The following DDX10 variants were observed in gnomAD, a reference collection of about 807,000 sequenced individuals.
DDX10 encodes DEAD-box helicase 10.
DDX10 carries 74 observed loss-of-function variants against 104.3 expected under a neutral mutation model. The ratio of observed to expected loss-of-function variants is 0.71; its 90% CI spans 0.59 to 0.86. The LOEUF (loss-of-function observed/expected upper bound fraction) is 0.86, where lower values mean the gene tolerates loss of function less well. Ranked by LOEUF, DDX10 falls within the 40% of genes least tolerant of loss-of-function variation. The pLI, the probability that DDX10 is intolerant of heterozygous loss-of-function variation, is 0.00. For missense variants in DDX10, 952 were observed against 1,040.0 expected (o/e 0.92, Z 1.16); for synonymous variants, 351 against 353.4 (o/e 0.99, Z 0.08).
chr11:108,855,442 A>C (rs1264023923), intron 16 of DDX10, among the ~76,000 whole-genome samples: 3 of 152,108 alleles, frequency 2.0e-5, no homozygotes, highest in Non-Finnish European at 4.4e-5. Flanking sequence ...TGCTTTTGAA[A>C]AGAAAGTGTG....
chr11:108,836,356 T>G (rs1175022543), intron 13 of DDX10, among the ~76,000 whole-genome samples: 3 of 152,256 alleles, frequency 2.0e-5, no homozygotes, highest in African/African-American at 7.2e-5. Flanking sequence ...TTCTTGTAGT[T>G]AAATCATAAT....
chr11:108,675,558 G>A, intron 2 of DDX10, 38 bp from the exon 3 acceptor site: 1 of 1,604,906 alleles, frequency 6.2e-7, no homozygotes, highest in Non-Finnish European at 8.5e-7. Context: ...ATCCTACAGG[G>A]ATCTTCTAAA....
At chr11:108,940,157 CTT>C in intron 17 of DDX10, 87 bp from the exon 18 acceptor site, 3 of 1,353,540 alleles carry the variant, frequency 2.2e-6, no homozygotes, top group Non-Finnish European at 3.0e-6. Flanking sequence ...AATAATATCA[CTT>C]TACCAACTCT....
At chr11:108,852,736 G>A (rs1275876159) in intron 16 of DDX10, among the ~76,000 whole-genome samples, 1 of 152,180 alleles carries the variant, frequency 6.6e-6, no homozygotes, top group Admixed American at 6.5e-5. Context: ...CCTCAAGTAT[G>A]TATGTACAAT....
In DDX10 at chr11:108,689,022, TGAA is replaced by T. The variant is rs754978266; in HGVS notation, c.944_946del (p.Lys315del). 1 of 1,614,136 alleles carries T rather than the reference TGAA, an allele frequency of 6.2e-7. No individual in the cohort carries two copies. Among genetic ancestry groups the T allele is most frequent in the Non-Finnish European group, 8.5e-7 (1 of 1,179,960 alleles). Reference sequence around the variant, plus strand: ...CTGTATTCCTTTTTGAGAAGCCATCTGAAGAAGAAGAGCATTGTATTTTTTTCC... The same window carrying T: ...CTGTATTCCTTTTTGAGAAGCCATCTGAAGAAGAGCATTGTATTTTTTTCC... On this transcript the variant is annotated inframe_deletion, in exon 7 of 18. Coordinates refer to ENST00000322536, the MANE Select transcript of DDX10 (RefSeq NM_004398.4).
chr11:108,752,806 G>T (rs1374600602), intron 13 of DDX10, among the ~76,000 whole-genome samples: 1 of 152,026 alleles, frequency 6.6e-6, no homozygotes, highest in Admixed American at 6.6e-5. Context: ...GAACACCTTA[G>T]ATTTTAACAC....
At chr11:108,853,050 C>A (rs951984528) in intron 16 of DDX10, among the ~76,000 whole-genome samples, 2 of 152,026 alleles carry the variant, frequency 1.3e-5, no homozygotes, top group Non-Finnish European at 2.9e-5. Context: ...TGCTATAGTT[C>A]TGAAGTGGGA....
At chr11:108,679,692 A>G in intron 6 of DDX10, 132 bp downstream of exon 6, 1 of 626,130 alleles carries the variant, frequency 1.6e-6, no homozygotes, top group Non-Finnish European at 2.5e-6. Flanking sequence ...CATAGTAAAT[A>G]TACCAGTTAA....
intron 17 of DDX10, 98 bp downstream of exon 17, chr11:108,918,116 A>G: frequency 7.9e-7 from 1 of 1,258,954 alleles, no homozygotes; most frequent in Admixed American, 2.0e-5. Context: ...ACTCCAAGAG[A>G]TGTTTGTTGC....
At chr11:108,689,836 A>G (rs1029774859) in intron 7 of DDX10, among the ~76,000 whole-genome samples, 6 of 152,196 alleles carry the variant, frequency 3.9e-5, no homozygotes. Flanking sequence ...TCCATGATAA[A>G]TATGTAGATG....
chr11:108,760,673 CTG>C (rs1385466310), intron 13 of DDX10, among the ~76,000 whole-genome samples: 1 of 146,364 alleles, frequency 6.8e-6, no homozygotes, highest in Non-Finnish European at 1.5e-5. Context: ...CAACATAACA[CTG>C]TTTTTTTTTT....
chr11:108,668,787 G>A (rs182992216), intron 1 of DDX10, among the ~76,000 whole-genome samples: 2 of 152,284 alleles, frequency 1.3e-5, no homozygotes, highest in East Asian at 3.9e-4. Flanking sequence ...AGTTTGACAC[G>A]TTATATTAGT....
intron 7 of DDX10, 88 bp downstream of exon 7, chr11:108,689,150 G>GTACAAT: frequency 1.5e-6 from 2 of 1,371,858 alleles, no homozygotes; most frequent in Non-Finnish European, 2.1e-6. Context: ...TATATTGTAC[G>GTACAAT]AGAAGTACAG....
chr11:108,908,327 T>C (rs1199356003), intron 16 of DDX10, among the ~76,000 whole-genome samples: 3 of 152,178 alleles, frequency 2.0e-5, no homozygotes, highest in Non-Finnish European at 2.9e-5. Context: ...TTCTGTAAAA[T>C]TTTCTTTTTA....
intron 13 of DDX10, among the ~76,000 whole-genome samples, chr11:108,828,031 C>G (rs1452709134): frequency 2.6e-5 from 4 of 152,158 alleles, no homozygotes; most frequent in African/African-American, 9.7e-5. Context: ...TTTCATTTTT[C>G]AGATCTGAAA....
At chr11:108,693,672 T>G in intron 9 of DDX10, 72 bp downstream of exon 9, 1 of 1,192,064 alleles carries the variant, frequency 8.4e-7, no homozygotes, top group African/African-American at 1.5e-5. Context: ...CAACTGCAGA[T>G]AAACGAAGAA....
At chr11:108,819,782 A>G (rs1193616794) in intron 13 of DDX10, among the ~76,000 whole-genome samples, 1 of 152,036 alleles carries the variant, frequency 6.6e-6, no homozygotes, top group East Asian at 1.9e-4. Context: ...TATTTTTAGT[A>G]GAGACGAGGT....
intron 1 of DDX10, among the ~76,000 whole-genome samples, chr11:108,670,895 A>G (rs568619234): frequency 2.6e-5 from 4 of 152,078 alleles, no homozygotes; most frequent in Admixed American, 2.0e-4. Context: ...AGGGCGTTTC[A>G]ATGCTTTTTT....
At chr11:108,725,088 A>C (rs1487100681) in intron 13 of DDX10, among the ~76,000 whole-genome samples, 1 of 152,178 alleles carries the variant, frequency 6.6e-6, no homozygotes, top group East Asian at 1.9e-4. Flanking sequence ...AAATAGGATA[A>C]TACAGTATTT....
Sources: allele counts gnomAD v4.1 joint callset (sites outside exome capture counted in the v4.1 genomes callset), GRCh38; gene constraint gnomAD v4.1.1; transcripts MANE v1.5; gene names NCBI Gene and HGNC (gene_info 2026-07-23, HGNC 2026-07-21).